TATDN1: variants seen among roughly 807,000 people sequenced by gnomAD.
TATDN1 encodes the protein deoxyribonuclease TATDN1.
TATDN1 carries 40 observed loss-of-function variants against 46.4 expected under a neutral mutation model. The observed-to-expected ratio is 0.86, with a 90% CI of 0.67 to 1.12. The LOEUF (loss-of-function observed/expected upper bound fraction) is 1.12. Among genes scored for constraint, TATDN1 ranks in the 50% most tolerant of loss-of-function variants. TATDN1 has a pLI of 0.00. For missense variants in TATDN1, 326 were observed against 348.4 expected (o/e 0.94, Z 0.51); for synonymous variants, 95 against 105.6 (o/e 0.90, Z 0.62).
At chr8:124,508,432 G>C in intron 8 of TATDN1, 42 bp downstream of exon 8, 2 of 1,564,064 alleles carry the variant, frequency 1.3e-6, no homozygotes, top group Non-Finnish European at 1.7e-6. Flanking sequence ...TTTTGGATTA[G>C]AGATGTTCAA....
intron 1 of TATDN1, among the ~76,000 whole-genome samples, chr8:124,528,536 T>C (rs1450359556): frequency 6.6e-6 from 1 of 152,128 alleles, no homozygotes; most frequent in Admixed American, 6.5e-5. Context: ...AACAACTCCT[T>C]GTTTGGCTAG....
intron 6 of TATDN1, among the ~76,000 whole-genome samples, chr8:124,511,330 CA>C (rs1228410083): frequency 6.6e-6 from 1 of 152,160 alleles, no homozygotes; most frequent in Non-Finnish European, 1.5e-5. Flanking sequence ...TACCTCAACA[CA>C]AGTAGTAATC....
At chr8:124,518,939 C>T in intron 3 of TATDN1, 58 bp from the exon 4 acceptor site, 1 of 1,093,156 alleles carries the variant, frequency 9.1e-7, no homozygotes, top group Non-Finnish European at 1.4e-6. Context: ...TAACAGTTTC[C>T]TAAACATGCC....
intron 11 of TATDN1, 59 bp from the exon 12 acceptor site, chr8:124,488,755 C>A: frequency 1.0e-6 from 1 of 998,818 alleles, no homozygotes; most frequent in South Asian, 1.4e-5. Flanking sequence ...AGTTCTAAAG[C>A]TATATAATAT....
chr8:124,498,927 G>A (rs534163502), intron 9 of TATDN1, among the ~76,000 whole-genome samples: 10 of 151,392 alleles, frequency 6.6e-5, no homozygotes, highest in African/African-American at 2.4e-4. Context: ...TAGGATTACA[G>A]GCATGAGCCA....
At chr8:124,504,126 A>T (rs1818206172) in intron 9 of TATDN1, 145 bp downstream of exon 9, 1 of 714,334 alleles carries the variant, frequency 1.4e-6, no homozygotes, top group African/African-American at 1.8e-5. Flanking sequence ...TTTCTTAATA[A>T]ATAATTACTG....
At chr8:124,502,403 A>T (rs949118772) in intron 9 of TATDN1, among the ~76,000 whole-genome samples, 1 of 152,094 alleles carries the variant, frequency 6.6e-6, no homozygotes, top group Non-Finnish European at 1.5e-5. Flanking sequence ...CTAACTTGTA[A>T]GAGGAAGAGC....
In TATDN1 at chr8:124,498,269, G is replaced by T. The variant is rs551865153; in HGVS notation, c.594-2727C>A. 2.0e-4 allele frequency among the ~76,000 whole-genome samples: 30 copies of T among 152,168 alleles called. No individual in the cohort carries two copies. In the South Asian group the frequency reaches 4.4e-3, roughly 22 times the overall value. On this transcript the variant is annotated intron_variant, in intron 9 of 11. Transcript: ENST00000276692. ...TAGTGGGACCTTCTTGTGGGAGTGG[G>T]TATATTATGAAACTTCATTTAAAGG...
intron 9 of TATDN1, among the ~76,000 whole-genome samples, chr8:124,503,534 G>A (rs1157222911): frequency 6.6e-6 from 1 of 152,160 alleles, no homozygotes; most frequent in Non-Finnish European, 1.5e-5. Flanking sequence ...ATAATTCCAT[G>A]ATTCTATTTC....
chr8:124,488,624 A>G lies in TATDN1; in HGVS notation c.864T>C (p.Asn288=). ...PLELANTLYN[N]TIKVFFPGI ...TTCCAGGAAAAAATACTTTAATAGT[A>G]TTGTTATATAGTGTATTGGCTAATT... Residue 288 remains asparagine (N), a synonymous_variant, in exon 12 of 12, where the codon AAT becomes AAC. Coordinates refer to ENST00000276692, the MANE Select transcript of TATDN1 (RefSeq NM_032026.4). 2 of 1,582,364 alleles carry G rather than the reference A, an allele frequency of 1.3e-6. No homozygotes were observed. Among genetic ancestry groups the G allele is most frequent in the Non-Finnish European group, 1.7e-6 (2 of 1,154,656 alleles).
chr8:124,499,440 T>C (rs2131372506), intron 9 of TATDN1, among the ~76,000 whole-genome samples: 1 of 152,312 alleles, frequency 6.6e-6, no homozygotes, highest in Admixed American at 6.5e-5. Context: ...CAAATATATA[T>C]ACTAATAAAC....
At chr8:124,514,359 T>C (rs767747536) in intron 6 of TATDN1, among the ~76,000 whole-genome samples, 2 of 152,210 alleles carry the variant, frequency 1.3e-5, no homozygotes, top group African/African-American at 4.8e-5. Flanking sequence ...CATATGATCA[T>C]ATCACCATAT....
intron 1 of TATDN1, among the ~76,000 whole-genome samples, chr8:124,527,448 C>T (rs1820594456): frequency 6.6e-6 from 1 of 152,080 alleles, no homozygotes; most frequent in Admixed American, 6.6e-5. Context: ...GCTGTGGTGT[C>T]AGGTGGTTGG....
chr8:124,493,839 T>C lies in TATDN1; in HGVS notation c.785A>G (p.His262Arg). The C allele has an allele frequency of 4.4e-6, 7 of 1,605,668 alleles. No individual in the cohort carries two copies. Among genetic ancestry groups the C allele is most frequent in the Non-Finnish European group, 5.9e-6 (7 of 1,178,338 alleles). Residue 262 changes from histidine (H) to arginine (R), a missense_variant, in exon 11 of 12, where the codon CAT (histidine) becomes CGT (arginine). Transcript: ENST00000276692. ...HCLKDRNEPC[H>R]IIQILEIMSA... ...ATGAAAGCAAAATACTCACATTATA[T>C]GGCAGGGTTCATTTCTGTCTTTTAA...
At chr8:124,492,640 G>A (rs1488694339) in intron 11 of TATDN1, among the ~76,000 whole-genome samples, 4 of 151,206 alleles carry the variant, frequency 2.6e-5, no homozygotes, top group African/African-American at 9.7e-5. Context: ...TATAGTTCCA[G>A]CTACTTGGGA....
chr8:124,506,334 C>CAAAAA (rs56023168), intron 8 of TATDN1, among the ~76,000 whole-genome samples: 8 of 52,384 alleles, frequency 1.5e-4, no homozygotes, highest in South Asian at 8.9e-4. Context: ...GGCTCTGTCT[C>CAAAAA]AAAAAAAAAA....
intron 4 of TATDN1, among the ~76,000 whole-genome samples, chr8:124,518,298 G>C (rs1452731167): frequency 1.3e-5 from 2 of 150,636 alleles, no homozygotes; most frequent in African/African-American, 4.9e-5. Flanking sequence ...GCTGAGGCGG[G>C]TGGATCACGA....
intron 8 of TATDN1, chr8:124,504,769 G>A (rs1402664580): frequency 6.8e-6 from 1 of 146,260 alleles, no homozygotes; most frequent in African/African-American, 2.5e-5. Context: ...TTTTTGAGAT[G>A]GAGTTTTGCT....
chr8:124,498,680 TCTCA>T (rs1262952265), intron 9 of TATDN1, among the ~76,000 whole-genome samples: 1 of 152,100 alleles, frequency 6.6e-6, no homozygotes, highest in Non-Finnish European at 1.5e-5. Flanking sequence ...AGACGGAGTC[TCTCA>T]CTATCACCTG....
Sources: gnomAD v4.1 joint callset for allele counts (sites outside exome capture counted in the v4.1 genomes callset) on GRCh38, gnomAD v4.1.1 for gene constraint, MANE v1.5 for transcripts, NCBI Gene and HGNC (gene_info 2026-07-23, HGNC 2026-07-21) for gene names.